The following KCNH8 variants were observed in gnomAD, a reference collection of about 807,000 sequenced individuals.
KCNH8 encodes potassium voltage-gated channel subfamily H member 8, also known as voltage-gated delayed rectifier potassium channel KCNH8.
A neutral mutation model predicts 103.6 loss-of-function variants in KCNH8; 70 were observed. The observed-to-expected ratio is 0.68, with a 90% CI of 0.56 to 0.82. The LOEUF (loss-of-function observed/expected upper bound fraction) is 0.82. Among genes scored for constraint, KCNH8 ranks in the 40% least tolerant of loss-of-function variants. KCNH8 has a pLI of 0.00. For synonymous variants in KCNH8, 498 were observed against 489.4 expected (o/e 1.02, Z -0.23); for missense variants, 1,217 against 1,329.9 (o/e 0.92, Z 1.32).
chr3:19,508,671 C>G (rs1015786536), intron 11 of KCNH8, among the ~76,000 whole-genome samples: 5 of 152,106 alleles, frequency 3.3e-5, no homozygotes, highest in African/African-American at 1.2e-4. Flanking sequence ...TCTCCAGGGC[C>G]AGCAGCACCA....
In KCNH8 at chr3:19,533,763, C is replaced by G. The variant is rs1310159143; in HGVS notation, c.2988C>G (p.Ser996=). 1 of 1,614,062 alleles carries G rather than the reference C, an allele frequency of 6.2e-7. No individual in the cohort carries two copies. Among genetic ancestry groups the G allele is most frequent in the African/African-American group, 1.3e-5 (1 of 74,938 alleles). ...CTCCAAGCCTTGATTATTCACCTTC[C>G]CACTACCAGGTTGTCCAAGAAGGTC... The part of the protein sequence containing the change: ...YHSPSLDYSP[S]HYQVVQEGHL... Residue 996 remains serine (S), a synonymous_variant, in exon 16 of 16, where the codon TCC becomes TCG. Transcript: ENST00000328405.
At position 19,164,245 on chromosome 3, in the gene KCNH8, A is replaced by G. The variant is rs543824320; in HGVS notation, c.76+15450A>G. Reference sequence around the variant, plus strand: ...GGAGCCAGAGAACCCTAAAGAGGCTAAGTATTTTTGTCTCAAAGCTAGAAC... The same window carrying G: ...GGAGCCAGAGAACCCTAAAGAGGCTGAGTATTTTTGTCTCAAAGCTAGAAC... On this transcript the variant is annotated intron_variant, in intron 1 of 15. Coordinates refer to ENST00000328405, the MANE Select transcript of KCNH8 (RefSeq NM_144633.3). Among the ~76,000 whole-genome samples, 134 of 152,272 alleles carry G rather than the reference A, an allele frequency of 8.8e-4. 1 individual carries two copies. The highest frequency in any genetic ancestry group is 3.1e-3 in the African/African-American group (127 of 41,560).
At chr3:19,374,050 AGGTGT>A (rs1223202177) in intron 5 of KCNH8, among the ~76,000 whole-genome samples, 1 of 148,732 alleles carries the variant, frequency 6.7e-6, no homozygotes, top group African/African-American at 2.4e-5. Flanking sequence ...ATTTTGGAAT[AGGTGT>A]GGTGTGGTGC....
At chr3:19,515,558 T>C (rs1394455092) in intron 14 of KCNH8, 130 bp downstream of exon 14, 2 of 429,646 alleles carry the variant, frequency 4.7e-6, no homozygotes, top group Non-Finnish European at 8.2e-6. Flanking sequence ...ACCTTACCAA[T>C]ACCATTGAAT....
In KCNH8 at chr3:19,206,325, G is replaced by C. The variant is rs1410676658; in HGVS notation, c.77-47329G>C. Among the ~76,000 whole-genome samples the C allele has an allele frequency of 2.1e-5, 3 of 143,700 alleles. No individual in the cohort carries two copies. The East Asian group carries it at 5.8e-4, about 28-fold the overall frequency. 94.3% of individuals were successfully genotyped at this position (143,700 alleles called of 152,430 possible). On this transcript the variant is annotated intron_variant, in intron 1 of 15. Coordinates refer to ENST00000328405, the MANE Select transcript of KCNH8 (RefSeq NM_144633.3). ...CGTTGATTGATGGGCATTAGGGCTG[G>C]TTCCACATTTTGCATTTGCAAATTG...
chr3:19,426,573 T>G (rs1309564208), intron 7 of KCNH8, among the ~76,000 whole-genome samples: 2 of 150,630 alleles, frequency 1.3e-5, no homozygotes, highest in East Asian at 3.9e-4. Context: ...ATGAAGTAAA[T>G]TTTGTTTTGC....
At chr3:19,158,770 A>G (rs1396051470) in intron 1 of KCNH8, among the ~76,000 whole-genome samples, 2 of 151,904 alleles carry the variant, frequency 1.3e-5, no homozygotes, top group Admixed American at 6.6e-5. Context: ...CAGCCAGCTT[A>G]CTGACTTTCT....
intron 10 of KCNH8, among the ~76,000 whole-genome samples, chr3:19,451,765 A>G (rs906031621): frequency 1.3e-5 from 2 of 152,140 alleles, no homozygotes; most frequent in African/African-American, 2.4e-5. Context: ...CAGTTTTAAG[A>G]GGGCATTTAT....
At position 19,372,294 on chromosome 3, in the gene KCNH8, C is replaced by G. The variant is rs1256897399; in HGVS notation, c.812-18187C>G. ...GTATCCTCTTTTATTTCCTTGAGCA[C>G]TGGTTTGTAGTTCTCCTTGAAGAGG... is the stretch of plus-strand genomic sequence containing the variant. On this transcript the variant is annotated intron_variant, in intron 5 of 15. Transcript: ENST00000328405. Among the ~76,000 whole-genome samples the G allele has an allele frequency of 2.5e-4, 38 of 150,394 alleles. 1 individual carries two copies. The East Asian group carries it at 2.9e-3, about 12-fold the overall frequency.
intron 3 of KCNH8, among the ~76,000 whole-genome samples, chr3:19,305,692 A>G (rs541209427): frequency 6.6e-6 from 1 of 152,244 alleles, no homozygotes; most frequent in Admixed American, 6.5e-5. Context: ...AAACAAAGCA[A>G]ACTAAAAAAA....
chr3:19,468,343 T>C (rs2067785419), intron 11 of KCNH8, among the ~76,000 whole-genome samples: 1 of 152,110 alleles, frequency 6.6e-6, no homozygotes, highest in African/African-American at 2.4e-5. Context: ...TTTAAGAAAA[T>C]GAAGAAAGTC....
At chr3:19,171,986 C>T (rs1338954032) in intron 1 of KCNH8, among the ~76,000 whole-genome samples, 1 of 152,124 alleles carries the variant, frequency 6.6e-6, no homozygotes, top group Non-Finnish European at 1.5e-5. Context: ...TAGTGATTCC[C>T]TTTCTCAATC....
intron 11 of KCNH8, among the ~76,000 whole-genome samples, chr3:19,491,274 G>C (rs1478680060): frequency 5.3e-5 from 8 of 152,090 alleles, no homozygotes; most frequent in Non-Finnish European, 1.2e-4. Flanking sequence ...TGGGGATATT[G>C]CACCAAGGTA....
At chr3:19,182,535 A>C (rs937070289) in intron 1 of KCNH8, among the ~76,000 whole-genome samples, 8 of 152,222 alleles carry the variant, frequency 5.3e-5, no homozygotes, top group African/African-American at 1.2e-4. Flanking sequence ...CGTCCCCCCA[A>C]GAAAAGAAGA....
At chr3:19,481,010 A>G (rs2068076018) in intron 11 of KCNH8, among the ~76,000 whole-genome samples, 1 of 152,158 alleles carries the variant, frequency 6.6e-6, no homozygotes, top group South Asian at 2.1e-4. Flanking sequence ...CTATAAGGTT[A>G]TAAAGCCTTC....
intron 1 of KCNH8, among the ~76,000 whole-genome samples, chr3:19,233,322 GGACAAATA>G (rs2064019273): frequency 6.6e-6 from 1 of 151,898 alleles, no homozygotes; most frequent in Non-Finnish European, 1.5e-5. Context: ...AATAATTACT[GGACAAATA>G]TTTTACAAAA....
At position 19,533,822 on chromosome 3, in the gene KCNH8, C is replaced by T. The variant is rs1371905994; in HGVS notation, c.3047C>T (p.Ser1016Leu). Residue 1016 changes from serine (S) to leucine (L), a missense_variant, in exon 16 of 16, where the codon TCA (serine) becomes TTA (leucine). Coordinates refer to ENST00000328405, the MANE Select transcript of KCNH8 (RefSeq NM_144633.3). The part of the protein sequence containing the change: ...LQFLRCISPH[S>L]DSTLTPLQSI... ...TTTTTAAGGTGCATCTCTCCACATT[C>T]AGATTCTACGTTGACGCCTCTGCAG... 1 of 1,614,210 alleles carries T rather than the reference C, an allele frequency of 6.2e-7. No individual in the cohort carries two copies. Among genetic ancestry groups the T allele is most frequent in the Non-Finnish European group, 8.5e-7 (1 of 1,180,026 alleles).
At chr3:19,522,850 GTCATGGTTTT>G (rs2068996771) in intron 15 of KCNH8, among the ~76,000 whole-genome samples, 2 of 151,854 alleles carry the variant, frequency 1.3e-5, no homozygotes, top group African/African-American at 4.8e-5. Flanking sequence ...AGCAAAAGAT[GTCATGGTTTT>G]CTTTGTGAGA....
intron 1 of KCNH8, among the ~76,000 whole-genome samples, chr3:19,245,683 G>T (rs981415361): frequency 5.3e-5 from 8 of 151,980 alleles, no homozygotes; most frequent in African/African-American, 1.9e-4. Flanking sequence ...GTATTCATGG[G>T]TATTTTATTT....
Sources: allele counts gnomAD v4.1 joint callset (sites outside exome capture counted in the v4.1 genomes callset), GRCh38; gene constraint gnomAD v4.1.1; transcripts MANE v1.5; gene names NCBI Gene and HGNC (gene_info 2026-07-23, HGNC 2026-07-21).